Variants in CCBE1 observed in about 807,000 individuals in gnomAD.
CCBE1 encodes collagen and calcium binding EGF domains 1, also known as collagen and calcium-binding EGF domain-containing protein 1.
CCBE1 carries 37 observed loss-of-function variants against 50.0 expected under a neutral mutation model. That is an observed-to-expected ratio of 0.74 (90% CI 0.57 to 0.97). The LOEUF (loss-of-function observed/expected upper bound fraction) is 0.97, where lower values mean the gene tolerates loss of function less well. CCBE1 is among the 50% of genes least tolerant of loss of function. The probability of loss-of-function intolerance (pLI) is 0.00; values close to 1 mark genes in which losing one functional copy is unlikely to be tolerated. For synonymous variants in CCBE1, 234 were observed against 203.7 expected, an observed-to-expected ratio of 1.15 and a Z score of -1.27; for missense variants, 538 against 523.8, an observed-to-expected ratio of 1.03 and a Z score of -0.26.
At chr18:59,663,196 T>C (rs1200190785) in intron 2 of CCBE1, among the ~76,000 whole-genome samples, 2 of 152,210 alleles carry the variant, frequency 1.3e-5, no homozygotes, top group African/African-American at 4.8e-5. Context: ...GGGAAGTAGA[T>C]TGTGCGCAAG....
At chr18:59,610,636 G>T (rs1185780696) in intron 2 of CCBE1, among the ~76,000 whole-genome samples, 3 of 152,168 alleles carry the variant, frequency 2.0e-5, no homozygotes, top group Non-Finnish European at 4.4e-5. Context: ...TGCATATCTG[G>T]CCTTGTCTGA....
intron 2 of CCBE1, among the ~76,000 whole-genome samples, chr18:59,519,298 GACTT>G (rs1351132285): frequency 6.6e-6 from 1 of 152,072 alleles, no homozygotes; most frequent in Non-Finnish European, 1.5e-5. Flanking sequence ...GAGGTTCCTG[GACTT>G]ACTTAGAAAA....
intron 2 of CCBE1, among the ~76,000 whole-genome samples, chr18:59,513,450 G>A (rs34175168): frequency 0.022 from 3,357 of 152,298 alleles, 142 homozygotes; most frequent in East Asian, 0.2. Context: ...AGGAAAGGAC[G>A]CTTTTCAACT....
chr18:59,574,849 A>G (rs573569072), intron 2 of CCBE1, among the ~76,000 whole-genome samples: 17 of 152,276 alleles, frequency 1.1e-4, no homozygotes, highest in South Asian at 4.2e-4. Context: ...GTGTCCCTCT[A>G]AAATTCATAT....
intron 2 of CCBE1, among the ~76,000 whole-genome samples, chr18:59,674,825 G>A (rs1253843995): frequency 6.6e-6 from 1 of 152,078 alleles, no homozygotes; most frequent in East Asian, 1.9e-4. Flanking sequence ...ATAGGGAAAA[G>A]GGGTTTAGGG....
At chr18:59,445,618 G>C (rs1278043842) in intron 7 of CCBE1, among the ~76,000 whole-genome samples, 5 of 152,164 alleles carry the variant, frequency 3.3e-5, no homozygotes, top group Non-Finnish European at 7.3e-5. Flanking sequence ...TTACGCCAAA[G>C]TTAAAAGCAG....
At chr18:59,671,771 G>A (rs944698208) in intron 2 of CCBE1, among the ~76,000 whole-genome samples, 4 of 144,756 alleles carry the variant, frequency 2.8e-5, no homozygotes, top group African/African-American at 7.6e-5. Flanking sequence ...CTCAAAGGCT[G>A]CTATTATGTG....
chr18:59,628,431 A>G (rs1233259596), intron 2 of CCBE1, among the ~76,000 whole-genome samples: 3 of 151,672 alleles, frequency 2.0e-5, no homozygotes. Flanking sequence ...TCCAAGAGAC[A>G]TGAGGTGATG....
chr18:59,667,681 T>A (rs1412619739), intron 2 of CCBE1, among the ~76,000 whole-genome samples: 1 of 152,188 alleles, frequency 6.6e-6, no homozygotes, highest in Non-Finnish European at 1.5e-5. Flanking sequence ...AGCTGCTGGG[T>A]GTGTCACTGG....
chr18:59,529,365 A>G (rs1939531912), intron 2 of CCBE1, among the ~76,000 whole-genome samples: 1 of 152,166 alleles, frequency 6.6e-6, no homozygotes, highest in Admixed American at 6.5e-5. Context: ...CTTAGGCAGC[A>G]GGCAGTCGCA....
intron 2 of CCBE1, chr18:59,563,687 A>T (rs1438070054): frequency 6.6e-6 from 1 of 152,230 alleles, no homozygotes. Flanking sequence ...TTCTCATGCC[A>T]CTGAGGTCAT....
At position 59,653,791 on chromosome 18, in the gene CCBE1, T is replaced by C. The variant is rs758677592; in HGVS notation, c.212+42838A>G. Among the ~76,000 whole-genome samples the C allele has an allele frequency of 1.4e-4, 22 of 152,300 alleles. No individual in the cohort carries two copies. In the Middle Eastern group the frequency reaches 0.01, roughly 71 times the overall value. ...TAGACTTTTAATTCAAAACCAAAAA[T>C]AAGTTTTAGTTACAACCCAATTTGT... On this transcript the variant is annotated intron_variant, in intron 2 of 10. Transcript: ENST00000439986.
chr18:59,503,673 A>G (rs534065381), intron 2 of CCBE1, among the ~76,000 whole-genome samples: 2 of 152,262 alleles, frequency 1.3e-5, no homozygotes, highest in African/African-American at 4.8e-5. Flanking sequence ...CTATTCCATC[A>G]AGTGCAGATA....
upstream of CCBE1, chr18:59,697,662 C>T (rs2054832051): frequency 9.3e-6 from 3 of 323,904 alleles, no homozygotes; most frequent in Admixed American, 4.9e-5. Context: ...TTGCTGGACT[C>T]GGCTTGGGGC....
chr18:59,572,366 T>C (rs2052926980), intron 2 of CCBE1, among the ~76,000 whole-genome samples: 1 of 152,196 alleles, frequency 6.6e-6, no homozygotes, highest in South Asian at 2.1e-4. Flanking sequence ...AAAAAGGTCC[T>C]GGATTTCCTG....
chr18:59,584,425 C>T (rs957408552), intron 2 of CCBE1, among the ~76,000 whole-genome samples: 3 of 151,892 alleles, frequency 2.0e-5, no homozygotes, highest in Middle Eastern at 3.4e-3. Context: ...GGGTGCAGCA[C>T]ACCAGCATGG....
chr18:59,522,026 A>C (rs1032235587), intron 2 of CCBE1, among the ~76,000 whole-genome samples: 2 of 152,154 alleles, frequency 1.3e-5, no homozygotes, highest in Non-Finnish European at 1.5e-5. Flanking sequence ...CCTTGCTTTA[A>C]TTTGAATTAT....
At chr18:59,647,995 A>C (rs971536464) in intron 2 of CCBE1, among the ~76,000 whole-genome samples, 2 of 152,246 alleles carry the variant, frequency 1.3e-5, no homozygotes, top group African/African-American at 4.8e-5. Context: ...GAGAGCTACC[A>C]TATGTGAACA....
At chr18:59,548,700 C>G (rs898891330) in intron 2 of CCBE1, among the ~76,000 whole-genome samples, 19 of 151,908 alleles carry the variant, frequency 1.3e-4, no homozygotes, top group African/African-American at 4.6e-4. Context: ...GCCTGTAATC[C>G]CAGCACTTTG....
Sources: gnomAD v4.1 joint callset for allele counts (sites outside exome capture counted in the v4.1 genomes callset) on GRCh38, gnomAD v4.1.1 for gene constraint, MANE v1.5 for transcripts, NCBI Gene and HGNC (gene_info 2026-07-23, HGNC 2026-07-21) for gene names.